CASC3: variants seen among roughly 807,000 people sequenced by gnomAD.
The protein encoded by CASC3 is protein CASC3.
A neutral mutation model predicts 80.5 loss-of-function variants in CASC3; 30 were observed. That is an observed-to-expected ratio of 0.37 (90% CI 0.28 to 0.51). The LOEUF (loss-of-function observed/expected upper bound fraction) is 0.51, where lower values mean the gene tolerates loss of function less well. Ranked by LOEUF, CASC3 falls within the 20% of genes least tolerant of loss-of-function variation. CASC3 has a pLI of 0.94. For missense variants in CASC3, 824 were observed against 922.2 expected (o/e 0.89, Z 1.38); for synonymous variants, 312 against 333.6 (o/e 0.94, Z 0.70).
At chr17:40,153,111 A>C (rs1415394541) in intron 3 of CASC3, among the ~76,000 whole-genome samples, 1 of 152,132 alleles carries the variant, frequency 6.6e-6, no homozygotes, top group Non-Finnish European at 1.5e-5. Context: ...CATGCTGTAC[A>C]TTAGGTCTCC....
At position 40,168,212 on chromosome 17, in the gene CASC3, C is replaced by G; in HGVS notation, c.1760C>G (p.Pro587Arg). The part of the protein sequence containing the change: ...GMNLPHPGLH[P>R]HQTPAPLPNP... The stretch of plus-strand genomic sequence containing the variant: ...TCTTCTCCTTATCCAGGTTTACATC[C>G]CCACCAGACACCAGCTCCTCTGCCC... The change falls in exon 11 of 14, where the codon CCC becomes CGC. Residue 587 changes from proline to arginine, a missense_variant. Physicochemically the swap from Pro to Arg is moderately radical, Grantham distance 103 (BLOSUM62 -2). Transcript: ENST00000264645. 1 of 1,613,960 alleles carries G rather than the reference C, an allele frequency of 6.2e-7. No individual in the cohort carries two copies. The highest frequency in any genetic ancestry group is 2.2e-5 in the East Asian group (1 of 44,882).
chr17:40,162,922 A>G, intron 6 of CASC3, 21 bp downstream of exon 6: 2 of 1,610,264 alleles, frequency 1.2e-6, no homozygotes, highest in Non-Finnish European at 1.7e-6. Flanking sequence ...TTTAGAACAT[A>G]AGACCAGGCT....
chr17:40,145,308 G>A (rs1303170272), intron 3 of CASC3, among the ~76,000 whole-genome samples: 2 of 151,778 alleles, frequency 1.3e-5, no homozygotes, highest in African/African-American at 4.8e-5. Context: ...CGAGTAGCTG[G>A]GACTACAGGT....
intron 3 of CASC3, among the ~76,000 whole-genome samples, chr17:40,153,947 G>A (rs111385527): frequency 0.064 from 9,796 of 152,014 alleles, 687 homozygotes; most frequent in African/African-American, 0.17. Context: ...TGTGGCACGC[G>A]CCTGTAATCC....
At chr17:40,156,696 A>G (rs1235322004) in intron 3 of CASC3, among the ~76,000 whole-genome samples, 1 of 152,102 alleles carries the variant, frequency 6.6e-6, no homozygotes, top group Non-Finnish European at 1.5e-5. Context: ...TTCAATAAAA[A>G]AAAATTAAAA....
At chr17:40,168,035 G>A (rs1989496093) in intron 10 of CASC3, 87 bp downstream of exon 10, 2 of 1,422,568 alleles carry the variant, frequency 1.4e-6, no homozygotes, top group Non-Finnish European at 2.0e-6. Context: ...TGAGCTTTGT[G>A]CTGCTAGCCT....
At position 40,172,024 on chromosome 17, in the gene CASC3, C is replaced by T; in HGVS notation, c.*1619C>T. ...ATGCCCAGATTCCCAGACCTTAAGA[C>T]ACTGTGAGAGTTGTCTCTGTTGGTC... On this transcript the variant is annotated 3_prime_UTR_variant, in exon 14 of 14. Coordinates refer to ENST00000264645, the MANE Select transcript of CASC3 (RefSeq NM_007359.5). 1 of 1,289,986 alleles carries T rather than the reference C, an allele frequency of 7.8e-7. No individual in the cohort carries two copies. Among genetic ancestry groups the T allele is most frequent in the Non-Finnish European group, 1.0e-6 (1 of 988,874 alleles). The allele number at this position is 1,289,986 out of a possible 1,614,324, so 79.9% of individuals were successfully genotyped here. A position where few individuals can be genotyped will look rare whatever the true frequency, so the allele number is the denominator to read the frequency against.
At chr17:40,148,340 G>A (rs1305144621) in intron 3 of CASC3, among the ~76,000 whole-genome samples, 4 of 151,684 alleles carry the variant, frequency 2.6e-5, no homozygotes, top group Non-Finnish European at 4.4e-5. Context: ...AGGAAGCCCT[G>A]GCAGCCAGGT....
chr17:40,165,441 A>T (rs1989424458), intron 7 of CASC3, among the ~76,000 whole-genome samples: 1 of 152,176 alleles, frequency 6.6e-6, no homozygotes, highest in Non-Finnish European at 1.5e-5. Context: ...TCCTGGGCTC[A>T]AGAGATCCTC....
intron 3 of CASC3, among the ~76,000 whole-genome samples, chr17:40,144,975 C>T (rs1385321721): frequency 1.3e-5 from 2 of 151,596 alleles, no homozygotes; most frequent in East Asian, 1.9e-4. Flanking sequence ...ATTCTCCTGC[C>T]TCAGCCTCCC....
chr17:40,143,273 C>T (rs1988770130), intron 3 of CASC3, among the ~76,000 whole-genome samples: 1 of 150,962 alleles, frequency 6.6e-6, no homozygotes, highest in South Asian at 2.1e-4. Flanking sequence ...TGGCAAAACT[C>T]CATCTCTACT....
At chr17:40,156,004 C>T (rs139855825) in intron 3 of CASC3, among the ~76,000 whole-genome samples, 282 of 152,290 alleles carry the variant, frequency 1.9e-3, no homozygotes, top group Middle Eastern at 3.4e-3. Flanking sequence ...TGACATCCTA[C>T]CACAGATCAG....
chr17:40,156,880 A>G (rs568700835), intron 3 of CASC3, among the ~76,000 whole-genome samples: 1 of 151,748 alleles, frequency 6.6e-6, no homozygotes, highest in South Asian at 2.1e-4. Flanking sequence ...TCTCTACAAA[A>G]AAAAGGACAA....
chr17:40,153,674 A>G (rs1162195282), intron 3 of CASC3, among the ~76,000 whole-genome samples: 1 of 152,004 alleles, frequency 6.6e-6, no homozygotes. Flanking sequence ...TGTGTTATTT[A>G]CCCAGGTGCA....
intron 1 of CASC3, 175 bp from the exon 2 acceptor site, chr17:40,141,032 C>T: frequency 1.5e-6 from 1 of 668,598 alleles, no homozygotes; most frequent in South Asian, 1.9e-5. Context: ...GAAGTCGGGG[C>T]TGGAGGGAAG....
chr17:40,170,104 T>G (rs1483618938), intron 13 of CASC3, among the ~76,000 whole-genome samples: 1 of 150,926 alleles, frequency 6.6e-6, no homozygotes, highest in South Asian at 2.1e-4. Context: ...CTCAGGAGGC[T>G]TAAAGGAGTC....
In CASC3 at chr17:40,170,466, CAGAAG is replaced by C; in HGVS notation, c.*66_*70del. 1 of 985,562 alleles carries C rather than the reference CAGAAG, an allele frequency of 1.0e-6. No individual in the cohort carries two copies. Among genetic ancestry groups the C allele is most frequent in the Non-Finnish European group, 1.2e-6 (1 of 829,958 alleles). The allele number at this position is 985,562 out of a possible 1,614,324, so 61.1% of individuals were successfully genotyped here. A position where few individuals can be genotyped will look rare whatever the true frequency, so the allele number is the denominator to read the frequency against. ...TGTCAGAGCAGCAGAGGTGAGAACT[CAGAAG>C]AGAAATACAGCTGGCTATCTACTAC... On this transcript the variant is annotated 3_prime_UTR_variant, in exon 14 of 14. Transcript: ENST00000264645.
In CASC3 at chr17:40,171,490, G is replaced by A. The variant is rs144453229; in HGVS notation, c.*1085G>A. The A allele has an allele frequency of 3.7e-5, 37 of 987,558 alleles. 1 individual carries two copies. The South Asian group carries it at 7.0e-4, about 19-fold the overall frequency. The allele number at this position is 987,558 out of a possible 1,614,324, so 61.2% of individuals were successfully genotyped here. ...GTCCTTTGCAATTGCTCTTCTCCAC[G>A]TCTTTCCTGCTACAAGTGTTTTAGA... On this transcript the variant is annotated 3_prime_UTR_variant, in exon 14 of 14. Transcript: ENST00000264645.
At position 40,170,728 on chromosome 17, in the gene CASC3, C is replaced by G. The variant is rs1467011983; in HGVS notation, c.*323C>G. The G allele has an allele frequency of 2.0e-6, 2 of 985,182 alleles. No individual in the cohort carries two copies. Among genetic ancestry groups the G allele is most frequent in the Non-Finnish European group, 2.4e-6 (2 of 829,930 alleles). The allele number at this position is 985,182 out of a possible 1,614,324, so 61.0% of individuals were successfully genotyped here. On this transcript the variant is annotated 3_prime_UTR_variant, in exon 14 of 14. Coordinates refer to ENST00000264645, the MANE Select transcript of CASC3 (RefSeq NM_007359.5). ...CCATGTCTTCTGCTGTTCTTCACTT[C>G]TGGGAAATTGAAGTGTCTTCTGTTC...
Sources: allele counts gnomAD v4.1 joint callset (sites outside exome capture counted in the v4.1 genomes callset), GRCh38; gene constraint gnomAD v4.1.1; transcripts MANE v1.5; gene names NCBI Gene and HGNC (gene_info 2026-07-23, HGNC 2026-07-21).